The following SEPTIN11 variants were observed in gnomAD, a reference collection of about 807,000 sequenced individuals.
SEPTIN11 encodes septin 11, also known as septin-11.
In SEPTIN11, 25 loss-of-function variants were observed where a neutral mutation model predicts 51.4. The observed-to-expected ratio is 0.49, with a 90% CI of 0.35 to 0.68. SEPTIN11 has a LOEUF of 0.68. Among genes scored for constraint, SEPTIN11 ranks in the 30% least tolerant of loss-of-function variants. The pLI is 0.00. For missense variants in SEPTIN11, 381 were observed against 520.8 expected (o/e 0.73, Z 2.61); for synonymous variants, 174 against 184.1 (o/e 0.95, Z 0.44).
chr4:77,030,791 G>A lies in SEPTIN11; in HGVS notation c.1095G>A (p.Glu365=). The A allele has an allele frequency of 6.3e-7, 1 of 1,584,472 alleles. No homozygotes were observed. The stretch of plus-strand genomic sequence containing the variant: ...TTTCTTTTTCTCTCCAGCTTCACGA[G>A]AAGTTTGACCTTCTAAAGCGGACAC... ...ELKEAEKELH[E]KFDLLKRTHQ... The change falls in exon 9 of 10, where the codon GAG becomes GAA. Residue 365 remains glutamate, a synonymous_variant. Coordinates refer to ENST00000264893, the MANE Select transcript of SEPTIN11 (RefSeq NM_018243.4).
intron 7 of SEPTIN11, 40 bp downstream of exon 7, chr4:77,020,710 G>A (rs747484376): frequency 1.9e-6 from 3 of 1,579,602 alleles, no homozygotes; most frequent in Non-Finnish European, 2.6e-6. Context: ...CCCAGACAGT[G>A]GCGAGAGTGG....
intron 1 of SEPTIN11, among the ~76,000 whole-genome samples, chr4:76,960,885 G>A (rs1406650137): frequency 6.6e-6 from 1 of 152,160 alleles, no homozygotes; most frequent in Non-Finnish European, 1.5e-5. Flanking sequence ...TTTGGAATAA[G>A]GTTTGAATTC....
At chr4:77,000,852 C>T (rs1015935445) in intron 2 of SEPTIN11, among the ~76,000 whole-genome samples, 5 of 152,128 alleles carry the variant, frequency 3.3e-5, no homozygotes, top group East Asian at 1.9e-4. Context: ...ACAAGAACAA[C>T]GCAACTTAGG....
intron 1 of SEPTIN11, among the ~76,000 whole-genome samples, chr4:76,992,192 T>C (rs1036170701): frequency 6.6e-6 from 1 of 152,220 alleles, no homozygotes; most frequent in Non-Finnish European, 1.5e-5. Context: ...AAAAATCATA[T>C]TTGGTCTTGG....
chr4:77,034,465 C>CT (rs1394742235), intron 9 of SEPTIN11, 32 bp from the exon 10 acceptor site: 1 of 1,496,988 alleles, frequency 6.7e-7, no homozygotes, highest in Admixed American at 2.4e-5. Flanking sequence ...ATTATTATTT[C>CT]TAACTTTTTT....
intron 7 of SEPTIN11, among the ~76,000 whole-genome samples, chr4:77,027,657 C>T (rs541958465): frequency 6.6e-6 from 1 of 152,270 alleles, no homozygotes; most frequent in South Asian, 2.1e-4. Context: ...GGCAGATATA[C>T]TGCAGATGGT....
At chr4:76,950,019 G>GC in intron 1 of SEPTIN11, 89 bp downstream of exon 1, 2 of 1,274,280 alleles carry the variant, frequency 1.6e-6, no homozygotes, top group Non-Finnish European at 2.0e-6. Flanking sequence ...GGGGAGCCGG[G>GC]CGGGTGCTCG....
intron 9 of SEPTIN11, 135 bp downstream of exon 9, chr4:77,031,105 C>A: frequency 1.3e-6 from 1 of 772,082 alleles, no homozygotes; most frequent in Non-Finnish European, 2.0e-6. Flanking sequence ...CTCTACAGTG[C>A]AGGGAAGATG....
intron 9 of SEPTIN11, among the ~76,000 whole-genome samples, chr4:77,032,551 G>A (rs1726729908): frequency 6.6e-6 from 1 of 152,102 alleles, no homozygotes; most frequent in South Asian, 2.1e-4. Flanking sequence ...CAAGGATATA[G>A]GGGTGTGTAT....
intron 1 of SEPTIN11, among the ~76,000 whole-genome samples, chr4:76,968,872 A>G (rs1722133269): frequency 6.6e-6 from 1 of 152,230 alleles, no homozygotes. Flanking sequence ...GTATTGATGT[A>G]TCTTCCTATT....
downstream of SEPTIN11, chr4:77,039,014 TTTC>T: frequency 8.8e-7 from 1 of 1,135,718 alleles, no homozygotes; most frequent in Non-Finnish European, 1.2e-6. Context: ...CTCCTTTTCT[TTTC>T]TTAAGCCATT....
At chr4:76,965,014 A>G (rs1170766804) in intron 1 of SEPTIN11, among the ~76,000 whole-genome samples, 1 of 152,184 alleles carries the variant, frequency 6.6e-6, no homozygotes, top group Non-Finnish European at 1.5e-5. Context: ...AAAACTTGGC[A>G]TTGCTAAGTC....
chr4:76,972,652 C>G (rs913748316), intron 1 of SEPTIN11: 4 of 152,130 alleles, frequency 2.6e-5, no homozygotes, highest in African/African-American at 9.7e-5. Flanking sequence ...GAAAAACAAG[C>G]AAGGGAGCCC....
chr4:76,981,744 AT>A (rs5859555), intron 1 of SEPTIN11, among the ~76,000 whole-genome samples: 140,146 of 146,474 alleles, frequency 0.96, 67,073 homozygotes, highest in South Asian at 0.99. Context: ...CAAGATATGC[AT>A]TTTTTTTTTT....
At chr4:77,028,858 T>C in intron 8 of SEPTIN11, 97 bp downstream of exon 8, 2 of 1,300,638 alleles carry the variant, frequency 1.5e-6, no homozygotes, top group Non-Finnish European at 2.0e-6. Context: ...CCAAGTACTT[T>C]CTACATGCAT....
intron 7 of SEPTIN11, among the ~76,000 whole-genome samples, chr4:77,025,383 T>A (rs747222058): frequency 3.2e-4 from 48 of 151,646 alleles, no homozygotes; most frequent in Middle Eastern, 3.4e-3. Context: ...CAAAAAATTT[T>A]AAAAAAAATT....
chr4:77,007,556 G>A (rs987210350), intron 3 of SEPTIN11, among the ~76,000 whole-genome samples: 1 of 152,180 alleles, frequency 6.6e-6, no homozygotes, highest in Non-Finnish European at 1.5e-5. Flanking sequence ...GCACTCAGCA[G>A]CAAACAGTTA....
intron 1 of SEPTIN11, among the ~76,000 whole-genome samples, chr4:76,966,868 A>C: frequency 1.3e-5 from 2 of 151,998 alleles, no homozygotes; most frequent in South Asian, 4.2e-4. Flanking sequence ...TGTCTCAAAA[A>C]ATATTAAGTA....
At chr4:77,018,645 A>G (rs1725480023) in intron 5 of SEPTIN11, among the ~76,000 whole-genome samples, 1 of 152,232 alleles carries the variant, frequency 6.6e-6, no homozygotes, top group African/African-American at 2.4e-5. Flanking sequence ...TCAATATGAA[A>G]TAAGTGCCAA....
Sources: gnomAD v4.1 joint callset for allele counts (sites outside exome capture counted in the v4.1 genomes callset) on GRCh38, gnomAD v4.1.1 for gene constraint, MANE v1.5 for transcripts, NCBI Gene and HGNC (gene_info 2026-07-23, HGNC 2026-07-21) for gene names.